The following MCOLN2 variants were observed in gnomAD, a reference collection of about 807,000 sequenced individuals.
MCOLN2 encodes the protein mucolipin TRP cation channel 2.
Under a neutral mutation model 67.5 loss-of-function variants are expected in MCOLN2, and 57 were observed. The observed-to-expected ratio is 0.84, with a 90% CI of 0.68 to 1.05. The LOEUF is 1.05. Ranked by LOEUF, MCOLN2 falls within the 50% of genes least tolerant of loss-of-function variation. The pLI, the probability that MCOLN2 is intolerant of heterozygous loss-of-function variation, is 0.00. For missense variants in MCOLN2, 620 were observed against 678.8 expected (o/e 0.91, Z 0.96); for synonymous variants, 246 against 233.3 (o/e 1.05, Z -0.50).
chr1:84,972,142 T>C (rs1649724708), intron 1 of MCOLN2: 1 of 152,148 alleles, frequency 6.6e-6, no homozygotes, highest in African/African-American at 2.4e-5. Flanking sequence ...ACCAACAGTT[T>C]AAGAAAAGCA....
At position 84,947,029 on chromosome 1, in the gene MCOLN2, T is replaced by A. The variant is rs1189145721; in HGVS notation, c.847+4A>T. The A allele has an allele frequency of 7.2e-7, 1 of 1,386,478 alleles. No homozygotes were observed. The highest frequency in any genetic ancestry group is 1.0e-6 in the Non-Finnish European group (1 of 973,694). The allele number at this position is 1,386,478 out of a possible 1,614,324, so 85.9% of individuals were successfully genotyped here. On this transcript the variant is annotated splice_donor_region_variant and intron_variant, in intron 7 of 13. Coordinates refer to ENST00000370608, the MANE Select transcript of MCOLN2 (RefSeq NM_153259.4). The stretch of plus-strand genomic sequence containing the variant: ...TCCCATGGGCAAGTATATAGCATAC[T>A]TACTAGATCCAAATATGTTCAAGTC...
chr1:84,955,179 T>C (rs1648719374), intron 4 of MCOLN2, among the ~76,000 whole-genome samples: 1 of 152,164 alleles, frequency 6.6e-6, no homozygotes. Flanking sequence ...AGGATGTGTT[T>C]GCTTCCCCTT....
intron 1 of MCOLN2, among the ~76,000 whole-genome samples, chr1:84,977,519 T>C (rs1412238420): frequency 6.6e-6 from 1 of 151,344 alleles, no homozygotes; most frequent in African/African-American, 2.4e-5. Flanking sequence ...AAGACACACA[T>C]AGACTGAAAA....
intron 1 of MCOLN2, among the ~76,000 whole-genome samples, chr1:84,983,965 C>T (rs1017790105): frequency 5.5e-4 from 83 of 152,262 alleles, no homozygotes; most frequent in African/African-American, 1.9e-3. Flanking sequence ...TGAGCCACTG[C>T]GCCCAGCCCT....
Position 84,952,390 on chromosome 1 carries a change from T to C in MCOLN2, c.651-51A>G, listed in dbSNP as rs768682299. ...AAATTGTCATAATCTTACTATATACTATTCTCCTTCTCCCACCCTCATCTC... is the reference window on the plus strand; with the variant it reads ...AAATTGTCATAATCTTACTATATACCATTCTCCTTCTCCCACCCTCATCTC... On this transcript the variant is annotated intron_variant, in intron 5 of 13. Transcript: ENST00000370608. 29 of 1,567,580 alleles carry C rather than the reference T, an allele frequency of 1.8e-5. No homozygotes were observed. In the South Asian group the frequency reaches 3.0e-4, roughly 16 times the overall value.
Position 84,947,740 on chromosome 1 carries a change from A to G in MCOLN2, c.748-608T>C, listed in dbSNP as rs551737018. On this transcript the variant is annotated intron_variant, in intron 6 of 13. Transcript: ENST00000370608. Reference sequence around the variant, plus strand: ...ACCTAAGCTGCTATGGCATGACACCATTTAGAGACCAGATGCTAACAGAGT... The same window carrying G: ...ACCTAAGCTGCTATGGCATGACACCGTTTAGAGACCAGATGCTAACAGAGT... Among the ~76,000 whole-genome samples, 4 of 152,338 alleles carry G rather than the reference A, an allele frequency of 2.6e-5. No homozygotes were observed. In the South Asian group the frequency reaches 8.3e-4, roughly 32 times the overall value.
intron 1 of MCOLN2, among the ~76,000 whole-genome samples, chr1:84,996,428 A>G (rs1557671064): frequency 8.4e-6 from 1 of 119,590 alleles, no homozygotes; most frequent in African/African-American, 3.2e-5. Flanking sequence ...ATATATATAT[A>G]TATGTTTGGA....
At chr1:84,961,860 T>C (rs1040057626) in intron 2 of MCOLN2, among the ~76,000 whole-genome samples, 4 of 152,152 alleles carry the variant, frequency 2.6e-5, no homozygotes, top group Admixed American at 2.0e-4. Context: ...AAAAACAAGA[T>C]ACTGCTCTAA....
rs761159585 is a variant in MCOLN2, at chr1:84,965,667, C to T, written c.119G>A (p.Cys40Tyr). ...GTAAAACTTCAGGTCTTCCCTTAGACATTCTTCTTTCATCTCAGAATCACG... is the reference window on the plus strand; with the variant it reads ...GTAAAACTTCAGGTCTTCCCTTAGATATTCTTCTTTCATCTCAGAATCACG... ...AHRDSEMKEE[C>Y]LREDLKFYFM... Residue 40 changes from cysteine (C) to tyrosine (Y), a missense_variant, in exon 2 of 14, where the codon TGT becomes TAT. By Grantham distance (194) the Cys-to-Tyr change is radical. Transcript: ENST00000370608. 4.2e-5 allele frequency: 68 copies of T among 1,613,888 alleles called. 3 individuals are homozygous for T. The South Asian group carries it at 7.3e-4, about 17-fold the overall frequency.
At chr1:84,972,591 G>T (rs767579932) in intron 1 of MCOLN2, among the ~76,000 whole-genome samples, 95 of 152,294 alleles carry the variant, frequency 6.2e-4, no homozygotes, top group Admixed American at 7.2e-4. Flanking sequence ...GCTACTGTCA[G>T]GTATTAAGAA....
chr1:84,961,963 C>A (rs1451151490), intron 2 of MCOLN2, among the ~76,000 whole-genome samples: 1 of 152,064 alleles, frequency 6.6e-6, no homozygotes, highest in Non-Finnish European at 1.5e-5. Flanking sequence ...CAATTCAGAG[C>A]AGGAATTTTA....
chr1:84,942,299 T>C (rs2102818741), intron 7 of MCOLN2, among the ~76,000 whole-genome samples: 1 of 152,310 alleles, frequency 6.6e-6, no homozygotes, highest in East Asian at 1.9e-4. Flanking sequence ...CAGCACAGCA[T>C]GGAGCACAGA....
chr1:84,944,841 G>A (rs781525218), intron 7 of MCOLN2, among the ~76,000 whole-genome samples: 1 of 152,150 alleles, frequency 6.6e-6, no homozygotes, highest in Admixed American at 6.5e-5. Flanking sequence ...TAGAAATAGT[G>A]TAAGTGTCCC....
chr1:84,956,163 A>AAC (rs1491010225), intron 4 of MCOLN2, among the ~76,000 whole-genome samples: 26 of 151,802 alleles, frequency 1.7e-4, no homozygotes, highest in African/African-American at 2.9e-4. Flanking sequence ...GGAAAAAAAA[A>AAC]CAAAAAACAG....
intron 4 of MCOLN2, 111 bp downstream of exon 4, chr1:84,956,320 G>A: frequency 9.7e-7 from 1 of 1,031,392 alleles, no homozygotes; most frequent in Non-Finnish European, 1.5e-6. Context: ...CCCCTAACAG[G>A]TTAGCTCTCA....
At chr1:84,934,433 T>C (rs1230583165) in intron 11 of MCOLN2, among the ~76,000 whole-genome samples, 1 of 152,220 alleles carries the variant, frequency 6.6e-6, no homozygotes, top group Non-Finnish European at 1.5e-5. Context: ...AACCATAACC[T>C]GCAATGGCTT....
chr1:84,983,422 C>T (rs114539703), intron 1 of MCOLN2, among the ~76,000 whole-genome samples: 5,577 of 152,058 alleles, frequency 0.037, 195 homozygotes, highest in East Asian at 0.2. Flanking sequence ...GTGTATGCTG[C>T]CATGCCCAGC....
At chr1:84,941,359 T>G (rs1647770401) in intron 7 of MCOLN2, among the ~76,000 whole-genome samples, 1 of 151,896 alleles carries the variant, frequency 6.6e-6, no homozygotes, top group Non-Finnish European at 1.5e-5. Flanking sequence ...TAGCCAGGTG[T>G]GGTGGCAGGC....
intron 1 of MCOLN2, among the ~76,000 whole-genome samples, chr1:84,967,419 T>C (rs1480844888): frequency 1.3e-5 from 2 of 152,222 alleles, no homozygotes; most frequent in South Asian, 2.1e-4. Context: ...AAAGGTTTTA[T>C]ACTTGTGGGT....
Sources: gnomAD v4.1 joint callset for allele counts (sites outside exome capture counted in the v4.1 genomes callset) on GRCh38, gnomAD v4.1.1 for gene constraint, MANE v1.5 for transcripts, NCBI Gene and HGNC (gene_info 2026-07-23, HGNC 2026-07-21) for gene names.